THRB: variants seen among roughly 807,000 people sequenced by gnomAD.
The protein encoded by THRB is nuclear receptor subfamily 1 group A member 2.
Under a neutral mutation model 47.8 loss-of-function variants are expected in THRB, and 12 were observed. That is an observed-to-expected ratio of 0.25 (90% CI 0.16 to 0.41). THRB has a LOEUF of 0.41. Ranked by LOEUF, THRB falls within the 10% of genes least tolerant of loss-of-function variation. The pLI, the probability that THRB is intolerant of heterozygous loss-of-function variation, is 1.00. For missense variants in THRB, 348 were observed against 589.2 expected (o/e 0.59, Z 4.24); for synonymous variants, 218 against 212.2 (o/e 1.03, Z -0.24).
At chr3:24,413,647 C>T (rs2150203542) in intron 1 of THRB, among the ~76,000 whole-genome samples, 1 of 151,580 alleles carries the variant, frequency 6.6e-6, no homozygotes, top group South Asian at 2.1e-4. Context: ...ATACATGTGC[C>T]ATGTTGGTGT....
rs996445214 is a variant in THRB, at chr3:24,118,588, A to C, written c.*4296T>G. 3.3e-5 allele frequency: 5 copies of C among 152,698 alleles called. No homozygotes were observed. The highest frequency in any genetic ancestry group is 1.2e-4 in the African/African-American group (5 of 41,468). 9.5% of individuals were successfully genotyped at this position (152,698 alleles called of 1,614,324 possible). A position where few individuals can be genotyped will look rare whatever the true frequency, so the allele number is the denominator to read the frequency against. On this transcript the variant is annotated 3_prime_UTR_variant, in exon 11 of 11. Coordinates refer to ENST00000646209, the MANE Select transcript of THRB (RefSeq NM_001354712.2). ...TAATTTGGCTCTATGGTCAAATTAA[A>C]AATGCCAAGTTAATAAGGGAGAACC...
intron 1 of THRB, among the ~76,000 whole-genome samples, chr3:24,342,741 T>G (rs560476544): frequency 6.6e-6 from 1 of 152,242 alleles, no homozygotes; most frequent in African/African-American, 2.4e-5. Context: ...TCAGTGCTTT[T>G]GTGACATCCT....
intron 4 of THRB, among the ~76,000 whole-genome samples, chr3:24,208,435 C>A (rs1386769391): frequency 6.6e-6 from 1 of 152,196 alleles, no homozygotes; most frequent in Non-Finnish European, 1.5e-5. Flanking sequence ...ATCACGCTAC[C>A]TGGCTTCAAA....
At chr3:24,470,778 G>C (rs938485316) in intron 1 of THRB, among the ~76,000 whole-genome samples, 1 of 152,066 alleles carries the variant, frequency 6.6e-6, no homozygotes, top group South Asian at 2.1e-4. Context: ...CACCATGCCC[G>C]GCTAATTTTT....
intron 2 of THRB, among the ~76,000 whole-genome samples, chr3:24,324,572 C>G (rs943551726): frequency 6.6e-6 from 1 of 152,186 alleles, no homozygotes; most frequent in South Asian, 2.1e-4. Flanking sequence ...AATATACATA[C>G]AGAAAACTGC....
At chr3:24,374,266 T>C (rs1460663438) in intron 1 of THRB, among the ~76,000 whole-genome samples, 1 of 152,030 alleles carries the variant, frequency 6.6e-6, no homozygotes, top group African/African-American at 2.4e-5. Context: ...CTAAATATTG[T>C]CAGAGACAAC....
chr3:24,181,141 C>T (rs1195328755), intron 5 of THRB, among the ~76,000 whole-genome samples: 5 of 152,136 alleles, frequency 3.3e-5, no homozygotes, highest in Non-Finnish European at 5.9e-5. Context: ...AACTGATTTC[C>T]CAACTTATCC....
At chr3:24,188,280 A>T (rs1215337289) in intron 5 of THRB, among the ~76,000 whole-genome samples, 1 of 152,208 alleles carries the variant, frequency 6.6e-6, no homozygotes, top group Non-Finnish European at 1.5e-5. Flanking sequence ...CTATTCAGAG[A>T]GCACTATAAG....
chr3:24,195,567 A>G (rs942219144), intron 4 of THRB, among the ~76,000 whole-genome samples: 33 of 152,224 alleles, frequency 2.2e-4, no homozygotes, highest in African/African-American at 7.7e-4. Context: ...ATTTAAAAGT[A>G]TAAATAAGAG....
At chr3:24,286,637 G>A (rs2055329947) in intron 3 of THRB, among the ~76,000 whole-genome samples, 1 of 152,106 alleles carries the variant, frequency 6.6e-6, no homozygotes, top group African/African-American at 2.4e-5. Context: ...CTCAATTCAA[G>A]CTCGACGCAT....
In THRB at chr3:24,269,397, G is replaced by A. The variant is rs1275923777; in HGVS notation, c.-43+27829C>T. Among the ~76,000 whole-genome samples the A allele has an allele frequency of 6.5e-3, 737 of 113,750 alleles. 12 individuals are homozygous for A. Among genetic ancestry groups the A allele is most frequent in the African/African-American group, 0.028 (683 of 24,214 alleles). The allele number at this position is 113,750 out of a possible 152,430, so 74.6% of individuals were successfully genotyped here. A position where few individuals can be genotyped will look rare whatever the true frequency, so the allele number is the denominator to read the frequency against. On this transcript the variant is annotated intron_variant, in intron 3 of 10. Coordinates refer to ENST00000646209, the MANE Select transcript of THRB (RefSeq NM_001354712.2). The stretch of plus-strand genomic sequence containing the variant: ...CTCATCATAGCTCACACGCGCGCGC[G>A]CGCGCGCACACACACACACACACAC...
At chr3:24,255,632 G>C (rs1226372013) in intron 3 of THRB, among the ~76,000 whole-genome samples, 1 of 152,162 alleles carries the variant, frequency 6.6e-6, no homozygotes, top group Non-Finnish European at 1.5e-5. Context: ...GAAGGAGAGG[G>C]AAGGGCAATC....
intron 1 of THRB, among the ~76,000 whole-genome samples, chr3:24,401,079 TAACACAAAGAGGAA>T (rs1426739724): frequency 6.6e-6 from 1 of 151,958 alleles, no homozygotes; most frequent in Admixed American, 6.6e-5. Context: ...ATTCATAATT[TAACACAAAGAGGAA>T]AACACAAACG....
chr3:24,366,310 T>C (rs1337299963), intron 1 of THRB, among the ~76,000 whole-genome samples: 1 of 152,152 alleles, frequency 6.6e-6, no homozygotes, highest in Non-Finnish European at 1.5e-5. Flanking sequence ...TGGAGAGAAT[T>C]GCCAATCTTA....
At chr3:24,419,323 A>T (rs2069027220) in intron 1 of THRB, among the ~76,000 whole-genome samples, 1 of 151,814 alleles carries the variant, frequency 6.6e-6, no homozygotes, top group Non-Finnish European at 1.5e-5. Context: ...ACAGGTGAGA[A>T]AATTGGCCAA....
At chr3:24,285,445 G>A (rs1412853293) in intron 3 of THRB, among the ~76,000 whole-genome samples, 2 of 117,940 alleles carry the variant, frequency 1.7e-5, no homozygotes, top group Non-Finnish European at 3.4e-5. Flanking sequence ...GGTGGGGGGA[G>A]GGGGGAGGGA....
At chr3:24,169,141 C>A (rs1201808330) in intron 5 of THRB, among the ~76,000 whole-genome samples, 1 of 152,052 alleles carries the variant, frequency 6.6e-6, no homozygotes, top group African/African-American at 2.4e-5. Context: ...GTAATTGAAC[C>A]GCTAAATTTT....
chr3:24,231,077 T>G (rs1000717783), intron 3 of THRB, among the ~76,000 whole-genome samples: 2 of 152,222 alleles, frequency 1.3e-5, no homozygotes, highest in Admixed American at 1.3e-4. Context: ...CTCCAGGGAT[T>G]TGGCTATTCA....
intron 5 of THRB, among the ~76,000 whole-genome samples, chr3:24,179,074 G>A (rs139720064): frequency 6.6e-6 from 1 of 152,130 alleles, no homozygotes; most frequent in Non-Finnish European, 1.5e-5. Context: ...TCCCAGACCG[G>A]AAAATAAGAT....
Sources: gnomAD v4.1 joint callset for allele counts (sites outside exome capture counted in the v4.1 genomes callset) on GRCh38, gnomAD v4.1.1 for gene constraint, MANE v1.5 for transcripts, NCBI Gene and HGNC (gene_info 2026-07-23, HGNC 2026-07-21) for gene names.